The following PDE1C variants were observed in gnomAD, a reference collection of about 807,000 sequenced individuals.
PDE1C encodes dual specificity calcium/calmodulin-dependent 3',5'-cyclic nucleotide phosphodiesterase 1C.
A neutral mutation model predicts 93.1 loss-of-function variants in PDE1C; 62 were observed. That is an observed-to-expected ratio of 0.67 (90% CI 0.54 to 0.82). PDE1C has a LOEUF of 0.82. PDE1C is among the 40% of genes least tolerant of loss of function. The probability of loss-of-function intolerance (pLI) is 0.00; values close to 1 mark genes in which losing one functional copy is unlikely to be tolerated. For synonymous variants in PDE1C, 325 were observed against 310.1 expected (o/e 1.05, Z -0.50); for missense variants, 742 against 884.6 (o/e 0.84, Z 2.04).
At chr7:32,281,312 CA>C (rs1435521131) in intron 1 of PDE1C, among the ~76,000 whole-genome samples, 2 of 152,100 alleles carry the variant, frequency 1.3e-5, no homozygotes, top group African/African-American at 4.8e-5. Context: ...TGAACATAAA[CA>C]AGGCTAAAAT....
chr7:31,620,573 C>T, the PDE1C span, among the ~76,000 whole-genome samples: 56 of 151,314 alleles, frequency 3.7e-4, no homozygotes, highest in Non-Finnish European at 7.4e-4. Context: ...GGAAAACTAA[C>T]AAACAGAAAG....
intron 2 of PDE1C, among the ~76,000 whole-genome samples, chr7:31,889,142 C>T (rs962165776): frequency 2.6e-5 from 4 of 152,094 alleles, no homozygotes; most frequent in African/African-American, 7.2e-5. Context: ...TGGTGGAAAC[C>T]GATTCTAAAA....
At chr7:32,154,604 G>T (rs915765157) in intron 3 of PDE1C, among the ~76,000 whole-genome samples, 15 of 152,134 alleles carry the variant, frequency 9.9e-5, no homozygotes, top group African/African-American at 3.4e-4. Flanking sequence ...CCATTTTGCA[G>T]AAAAGAAAAC....
At chr7:32,117,859 T>G (rs1240118310) in intron 3 of PDE1C, among the ~76,000 whole-genome samples, 1 of 152,098 alleles carries the variant, frequency 6.6e-6, no homozygotes, top group Non-Finnish European at 1.5e-5. Context: ...GGGGAAGGGG[T>G]GTTGTTGTGA....
chr7:32,145,083 T>C (rs948614415), intron 3 of PDE1C, among the ~76,000 whole-genome samples: 4 of 152,238 alleles, frequency 2.6e-5, no homozygotes, highest in Non-Finnish European at 2.9e-5. Context: ...ACAGATGTTG[T>C]CGGCAATGGG....
At chr7:32,067,452 T>C (rs7777607) in intron 1 of PDE1C, among the ~76,000 whole-genome samples, 5,939 of 152,260 alleles carry the variant, frequency 0.039, 139 homozygotes, top group East Asian at 0.096. Context: ...AAATAAAGCA[T>C]GGCAGGGTAT....
At chr7:32,373,351 A>C (rs919438789) in intron 1 of PDE1C, among the ~76,000 whole-genome samples, 2 of 152,278 alleles carry the variant, frequency 1.3e-5, no homozygotes, top group Admixed American at 1.3e-4. Context: ...ACTGTGAAAG[A>C]AGCCAGTCAC....
At chr7:31,764,613 G>T (rs7800726) in intron 17 of PDE1C, among the ~76,000 whole-genome samples, 1 of 152,146 alleles carries the variant, frequency 6.6e-6, no homozygotes, top group Non-Finnish European at 1.5e-5. Flanking sequence ...CTTAAGACAC[G>T]TTGCGTTTAT....
intron 1 of PDE1C, among the ~76,000 whole-genome samples, chr7:32,289,162 T>C (rs757738938): frequency 2.6e-5 from 4 of 152,140 alleles, no homozygotes; most frequent in Non-Finnish European, 4.4e-5. Flanking sequence ...CCCAACACTT[T>C]GGGAGGGCAA....
intron 1 of PDE1C, among the ~76,000 whole-genome samples, chr7:32,383,446 G>A (rs1297926774): frequency 1.3e-5 from 2 of 152,122 alleles, no homozygotes; most frequent in African/African-American, 4.8e-5. Context: ...GGCACTAGCT[G>A]GCCACTAATG....
chr7:32,295,042 A>C (rs562352579), intron 1 of PDE1C, among the ~76,000 whole-genome samples: 1 of 152,328 alleles, frequency 6.6e-6, no homozygotes, highest in East Asian at 1.9e-4. Flanking sequence ...AAGAGGATGC[A>C]AAATAATTTG....
chr7:31,893,447 A>C, intron 2 of PDE1C: 1 of 979,648 alleles, frequency 1.0e-6, no homozygotes, highest in Non-Finnish European at 1.2e-6. Context: ...TATTTAATAG[A>C]AAAAGAAAAG....
chr7:32,414,758 G>A (rs2128098549), intron 1 of PDE1C, among the ~76,000 whole-genome samples: 1 of 150,582 alleles, frequency 6.6e-6, no homozygotes, highest in African/African-American at 2.4e-5. Context: ...AAAAAGTGCA[G>A]TAATACAAAC....
chr7:32,194,948 C>G (rs959757030), intron 2 of PDE1C, among the ~76,000 whole-genome samples: 3 of 151,956 alleles, frequency 2.0e-5, no homozygotes, highest in African/African-American at 7.3e-5. Flanking sequence ...AATAGTTGTA[C>G]TAGATATTAC....
chr7:31,767,446 C>G (rs1239616519), intron 17 of PDE1C, among the ~76,000 whole-genome samples: 1 of 152,156 alleles, frequency 6.6e-6, no homozygotes, highest in Non-Finnish European at 1.5e-5. Flanking sequence ...TTTCCTGCTG[C>G]TCTGGCAATA....
intron 3 of PDE1C, among the ~76,000 whole-genome samples, chr7:32,096,307 T>G (rs190997144): frequency 1.3e-5 from 2 of 152,276 alleles, no homozygotes; most frequent in Admixed American, 1.3e-4. Context: ...GAAGAACTAG[T>G]GCGTTTTGGA....
At chr7:32,350,208 C>A (rs971151122) in intron 1 of PDE1C, among the ~76,000 whole-genome samples, 1 of 152,138 alleles carries the variant, frequency 6.6e-6, no homozygotes, top group Non-Finnish European at 1.5e-5. Flanking sequence ...CTATTCCCAG[C>A]ACCAACTACC....
upstream of PDE1C, among the ~76,000 whole-genome samples, chr7:32,074,007 CAT>C (rs138053211): frequency 1.3e-4 from 20 of 151,912 alleles, no homozygotes; most frequent in South Asian, 4.2e-4. Flanking sequence ...TACATACATA[CAT>C]ATATATATAT....
chr7:32,009,045 A>G (rs6960350), intron 2 of PDE1C, among the ~76,000 whole-genome samples: 38,303 of 152,196 alleles, frequency 0.25, 4,965 homozygotes, highest in Non-Finnish European at 0.28. Flanking sequence ...TCTGCCCAAA[A>G]TGAAGAATCA....
Sources: gnomAD v4.1 joint callset for allele counts (sites outside exome capture counted in the v4.1 genomes callset) on GRCh38, gnomAD v4.1.1 for gene constraint, MANE v1.5 for transcripts, NCBI Gene and HGNC (gene_info 2026-07-23, HGNC 2026-07-21) for gene names.